The following ROBO1 variants were observed in gnomAD, a reference collection of about 807,000 sequenced individuals.
ROBO1 encodes roundabout homolog 1.
ROBO1 carries 149 observed loss-of-function variants against 195.9 expected under a neutral mutation model. That is an observed-to-expected ratio of 0.76 (90% CI 0.67 to 0.87). The LOEUF (loss-of-function observed/expected upper bound fraction) is 0.87. ROBO1 is among the 40% of genes least tolerant of loss of function. The pLI is 0.00. For synonymous variants in ROBO1, 816 were observed against 733.2 expected, an observed-to-expected ratio of 1.11 and a Z score of -1.82; for missense variants, 1,933 against 2,068.3, an observed-to-expected ratio of 0.93 and a Z score of 1.27.
intron 1 of ROBO1, among the ~76,000 whole-genome samples, chr3:79,646,290 C>A (rs1436041403): frequency 6.6e-6 from 1 of 151,978 alleles, no homozygotes; most frequent in Non-Finnish European, 1.5e-5. Context: ...ACACAAATGT[C>A]CAACAGGTAA....
At chr3:79,376,382 T>C (rs1164295042) in intron 2 of ROBO1, among the ~76,000 whole-genome samples, 1 of 152,224 alleles carries the variant, frequency 6.6e-6, no homozygotes, top group Non-Finnish European at 1.5e-5. Context: ...AATTTAAATA[T>C]ATTCATCTCT....
At chr3:79,294,675 G>A (rs1250282950) in intron 2 of ROBO1, among the ~76,000 whole-genome samples, 1 of 151,932 alleles carries the variant, frequency 6.6e-6, no homozygotes, top group East Asian at 1.9e-4. Flanking sequence ...CTACAGAATG[G>A]GAGAAAATTT....
intron 3 of ROBO1, among the ~76,000 whole-genome samples, chr3:78,949,183 A>G (rs1576453572): frequency 7.3e-6 from 1 of 137,320 alleles, no homozygotes; most frequent in East Asian, 2.0e-4. Flanking sequence ...ATGGAACCAA[A>G]AAAGAGACCG....
chr3:79,300,598 C>T (rs902499325), intron 2 of ROBO1, among the ~76,000 whole-genome samples: 2 of 152,296 alleles, frequency 1.3e-5, no homozygotes, highest in East Asian at 3.9e-4. Context: ...AGGGCTGGGG[C>T]GTGCAGGCGC....
At chr3:78,723,391 C>T (rs1273893540) in intron 5 of ROBO1, among the ~76,000 whole-genome samples, 1 of 152,114 alleles carries the variant, frequency 6.6e-6, no homozygotes, top group East Asian at 1.9e-4. Context: ...AATAAAATCA[C>T]CTAACAACAC....
At chr3:79,317,581 T>G (rs538217351) in intron 2 of ROBO1, among the ~76,000 whole-genome samples, 7 of 152,306 alleles carry the variant, frequency 4.6e-5, no homozygotes, top group African/African-American at 1.7e-4. Flanking sequence ...CTTCTACTCA[T>G]GTTATAAACA....
chr3:79,007,030 T>G (rs189039207), intron 3 of ROBO1, among the ~76,000 whole-genome samples: 90 of 152,170 alleles, frequency 5.9e-4, no homozygotes, highest in African/African-American at 2.1e-3. Flanking sequence ...AAACTTGACA[T>G]TACACTTTAG....
At chr3:78,712,017 C>CAAAAAAAAAAAAAAAAA (rs56267632) in intron 8 of ROBO1, among the ~76,000 whole-genome samples, 1 of 76,422 alleles carries the variant, frequency 1.3e-5, no homozygotes. Flanking sequence ...AAGACCTTGG[C>CAAAAAAAAAAAAAAAAA]AAAAAAAAAA....
intron 30 of ROBO1, 41 bp from the exon 31 acceptor site, chr3:78,598,968 TAAGAG>T: frequency 7.4e-7 from 1 of 1,355,116 alleles, no homozygotes; most frequent in East Asian, 2.3e-5. Flanking sequence ...AAATAAATCT[TAAGAG>T]GATTGTGTTA....
At chr3:79,233,226 C>T (rs2082350555) in intron 2 of ROBO1, among the ~76,000 whole-genome samples, 1 of 151,942 alleles carries the variant, frequency 6.6e-6, no homozygotes, top group African/African-American at 2.4e-5. Flanking sequence ...CAAGAAAAAG[C>T]ATGGCTGAAA....
chr3:79,484,774 A>G lies in ROBO1; in HGVS notation c.88+105050T>C, dbSNP rs1343846422. 9.1e-3 allele frequency among the ~76,000 whole-genome samples: 20 copies of G among 2,192 alleles called. 1 individual carries two copies. The highest frequency in any genetic ancestry group is 0.061 in the African/African-American group (18 of 294). The allele number at this position is 2,192 out of a possible 152,430, so 1.4% of individuals were successfully genotyped here. ...CACTATCTTTTTTTTTTTTTTTTTG[A>G]GACAGAGTCTCGCTCTGTCACCAGG... On this transcript the variant is annotated intron_variant, in intron 2 of 30. Transcript: ENST00000464233.
chr3:78,691,388 G>A (rs1470990902), intron 8 of ROBO1, among the ~76,000 whole-genome samples: 1 of 151,888 alleles, frequency 6.6e-6, no homozygotes, highest in Non-Finnish European at 1.5e-5. Context: ...TTAGACAAAG[G>A]GAAGAAAAGA....
intron 4 of ROBO1, among the ~76,000 whole-genome samples, chr3:78,812,236 C>G (rs970250619): frequency 3.9e-5 from 6 of 152,258 alleles, no homozygotes; most frequent in African/African-American, 1.4e-4. Flanking sequence ...CTCTAAATCT[C>G]CTACTGCAGA....
At chr3:78,769,166 G>A (rs924033930) in intron 4 of ROBO1, among the ~76,000 whole-genome samples, 2 of 152,030 alleles carry the variant, frequency 1.3e-5, no homozygotes, top group African/African-American at 4.8e-5. Context: ...GAGTATTGAA[G>A]TCCACCACTA....
intron 2 of ROBO1, among the ~76,000 whole-genome samples, chr3:79,497,698 T>G (rs1330559903): frequency 6.6e-6 from 1 of 152,230 alleles, no homozygotes; most frequent in East Asian, 1.9e-4. Flanking sequence ...CTAGTGGAAC[T>G]TTAAAGATAG....
intron 2 of ROBO1, among the ~76,000 whole-genome samples, chr3:79,241,871 C>T (rs1344086358): frequency 2.0e-5 from 3 of 151,434 alleles, no homozygotes; most frequent in African/African-American, 7.3e-5. Context: ...GACCTCTACT[C>T]TTATAGCAGG....
intron 2 of ROBO1, among the ~76,000 whole-genome samples, chr3:79,239,297 T>C (rs1365564481): frequency 2.6e-5 from 4 of 152,312 alleles, no homozygotes; most frequent in Admixed American, 2.0e-4. Flanking sequence ...ATGTAAAAGT[T>C]ATAAAACAAA....
At chr3:79,753,193 A>G (rs1299658420) in intron 1 of ROBO1, among the ~76,000 whole-genome samples, 1 of 152,148 alleles carries the variant, frequency 6.6e-6, no homozygotes, top group East Asian at 1.9e-4. Flanking sequence ...CTGCTTATTC[A>G]AACCACCTAA....
chr3:78,727,398 G>A (rs187543592), intron 5 of ROBO1, among the ~76,000 whole-genome samples: 2,267 of 152,176 alleles, frequency 0.015, 22 homozygotes, highest in Middle Eastern at 0.048. Flanking sequence ...AGGCCGAGGC[G>A]GGCGGATCAC....
Sources: gnomAD v4.1 joint callset for allele counts (sites outside exome capture counted in the v4.1 genomes callset) on GRCh38, gnomAD v4.1.1 for gene constraint, MANE v1.5 for transcripts, NCBI Gene and HGNC (gene_info 2026-07-23, HGNC 2026-07-21) for gene names.